Variants in IQCM observed in about 807,000 individuals in gnomAD.
The protein encoded by IQCM is IQ domain-containing protein M.
In IQCM, 45 loss-of-function variants were observed where a neutral mutation model predicts 57.6. The ratio of observed to expected loss-of-function variants is 0.78; its 90% CI spans 0.62 to 1.00. IQCM has a LOEUF of 1.00. Ranked by LOEUF, IQCM falls within the 50% of genes least tolerant of loss-of-function variation. The pLI is 0.00. For synonymous variants in IQCM, 148 were observed against 158.9 expected (o/e 0.93, Z 0.51); for missense variants, 468 against 511.6 (o/e 0.91, Z 0.82).
At chr4:149,679,807 A>AATT (rs1318023588) in intron 7 of IQCM, among the ~76,000 whole-genome samples, 4 of 151,424 alleles carry the variant, frequency 2.6e-5, no homozygotes, top group African/African-American at 4.8e-5. Context: ...TGAAGCTATA[A>AATT]ATTATTATGT....
rs183898191 is a variant in IQCM at position 149,713,207 on chromosome 4, C to T, written c.385+20037G>A. ...GGGTTATTCCCTATCACCAACAACG[C>T]TGGACCCCCTACCAGGCCCTGTGAT... is the stretch of plus-strand genomic sequence containing the variant. On this transcript the variant is annotated intron_variant, in intron 5 of 13. Coordinates refer to ENST00000636793, the MANE Select transcript of IQCM (RefSeq NM_001363507.2). Among the ~76,000 whole-genome samples the T allele has an allele frequency of 4.6e-4, 70 of 152,220 alleles. 1 individual carries two copies. Among genetic ancestry groups the T allele is most frequent in the Middle Eastern group, 6.8e-3 (2 of 294 alleles).
At chr4:149,612,488 T>C (rs1320210768) in intron 8 of IQCM, among the ~76,000 whole-genome samples, 3 of 152,152 alleles carry the variant, frequency 2.0e-5, no homozygotes, top group East Asian at 1.9e-4. Context: ...GTTATTAATA[T>C]ATAAATACAT....
intron 10 of IQCM, among the ~76,000 whole-genome samples, chr4:149,554,505 G>A (rs1364188668): frequency 6.6e-6 from 1 of 151,718 alleles, no homozygotes; most frequent in East Asian, 1.9e-4. Context: ...TTGTAGAGGT[G>A]GAGTTTCACC....
chr4:149,367,347 C>A (rs1729914386), intron 13 of IQCM, among the ~76,000 whole-genome samples: 1 of 151,948 alleles, frequency 6.6e-6, no homozygotes, highest in South Asian at 2.1e-4. Flanking sequence ...TATCATTACA[C>A]TAAACTCTAG....
intron 7 of IQCM, among the ~76,000 whole-genome samples, chr4:149,637,000 G>A (rs1757774947): frequency 1.3e-5 from 2 of 151,312 alleles, no homozygotes; most frequent in East Asian, 1.9e-4. Context: ...AAAATTAGCC[G>A]GGCGCGGTGG....
intron 12 of IQCM, among the ~76,000 whole-genome samples, chr4:149,464,898 C>T (rs1738683792): frequency 6.6e-6 from 1 of 152,108 alleles, no homozygotes; most frequent in Non-Finnish European, 1.5e-5. Flanking sequence ...TAGATCCTAA[C>T]TTCTTGATAG....
chr4:149,766,890 C>T (rs529094639), intron 2 of IQCM, among the ~76,000 whole-genome samples: 6 of 152,128 alleles, frequency 3.9e-5, no homozygotes, highest in African/African-American at 1.2e-4. Context: ...TGTTTAAATT[C>T]AGTGTTACTA....
At chr4:149,624,175 C>CGT (rs374507330) in intron 7 of IQCM, among the ~76,000 whole-genome samples, 4 of 151,686 alleles carry the variant, frequency 2.6e-5, no homozygotes, top group Middle Eastern at 3.4e-3. Context: ...TGTGTGCGCG[C>CGT]GCATGCATGT....
intron 12 of IQCM, among the ~76,000 whole-genome samples, chr4:149,525,091 T>C (rs1746028259): frequency 6.6e-6 from 1 of 151,804 alleles, no homozygotes; most frequent in Non-Finnish European, 1.5e-5. Flanking sequence ...GGAAAAATAA[T>C]TCCAGTATTT....
At chr4:149,525,920 A>C (rs542703291) in intron 12 of IQCM, among the ~76,000 whole-genome samples, 1 of 151,880 alleles carries the variant, frequency 6.6e-6, no homozygotes, top group East Asian at 1.9e-4. Context: ...AAATTAAAAA[A>C]TAGACAAAAA....
intron 7 of IQCM, among the ~76,000 whole-genome samples, chr4:149,672,937 A>C (rs775565109): frequency 1.3e-5 from 2 of 152,212 alleles, no homozygotes; most frequent in Non-Finnish European, 2.9e-5. Flanking sequence ...TTTCGGCAGA[A>C]ACTCTACATG....
intron 7 of IQCM, among the ~76,000 whole-genome samples, chr4:149,672,679 T>A (rs1444816394): frequency 2.0e-5 from 3 of 151,008 alleles, no homozygotes. Flanking sequence ...ACAGGGAGAG[T>A]GGAACCAAGT....
At chr4:149,595,421 A>C (rs1422446388) in intron 8 of IQCM, among the ~76,000 whole-genome samples, 1 of 152,104 alleles carries the variant, frequency 6.6e-6, no homozygotes, top group African/African-American at 2.4e-5. Flanking sequence ...ATAATACGAA[A>C]TGTTTGTTTA....
intron 7 of IQCM, among the ~76,000 whole-genome samples, chr4:149,627,167 A>G (rs1756885886): frequency 6.6e-6 from 1 of 152,132 alleles, no homozygotes; most frequent in Non-Finnish European, 1.5e-5. Context: ...AACAATGCAT[A>G]ATGGAGATTG....
chr4:149,390,498 C>A (rs961156973), intron 13 of IQCM, among the ~76,000 whole-genome samples: 4 of 151,692 alleles, frequency 2.6e-5, no homozygotes, highest in Admixed American at 2.0e-4. Context: ...ATCCTAAAGA[C>A]ATTTCTGATC....
intron 13 of IQCM, among the ~76,000 whole-genome samples, chr4:149,392,615 G>A (rs1489787779): frequency 1.3e-5 from 2 of 151,762 alleles, no homozygotes; most frequent in African/African-American, 4.8e-5. Context: ...TAACTCGATG[G>A]TTCCAGAAAC....
intron 7 of IQCM, among the ~76,000 whole-genome samples, chr4:149,652,177 C>A (rs1759244624): frequency 6.6e-6 from 1 of 152,084 alleles, no homozygotes; most frequent in Non-Finnish European, 1.5e-5. Flanking sequence ...TCAAAACCAT[C>A]AACTGCAGCA....
chr4:149,382,385 T>A (rs1035646002), intron 13 of IQCM, among the ~76,000 whole-genome samples: 1 of 152,194 alleles, frequency 6.6e-6, no homozygotes, highest in Admixed American at 6.6e-5. Flanking sequence ...AGATTCTGCA[T>A]CTGTGTAGAT....
intron 13 of IQCM, among the ~76,000 whole-genome samples, chr4:149,359,093 C>T (rs1729290024): frequency 6.6e-6 from 1 of 152,036 alleles, no homozygotes; most frequent in Admixed American, 6.6e-5. Flanking sequence ...AAAGCTGGTC[C>T]TTGGTTTGGT....
Sources: allele counts gnomAD v4.1 joint callset (sites outside exome capture counted in the v4.1 genomes callset), GRCh38; gene constraint gnomAD v4.1.1; transcripts MANE v1.5; gene names NCBI Gene and HGNC (gene_info 2026-07-23, HGNC 2026-07-21).